OR51B5: variants seen among roughly 807,000 people sequenced by gnomAD.
The protein encoded by OR51B5 is olfactory receptor 51B5.
For synonymous variants in OR51B5, 186 were observed against 144.8 expected (o/e 1.28, Z -2.04); for missense variants, 456 against 374.6 (o/e 1.22, Z -1.79).
At chr11:5,439,296 T>C (rs891151164) in intron 1 of OR51B5, among the ~76,000 whole-genome samples, 4 of 152,148 alleles carry the variant, frequency 2.6e-5, no homozygotes, top group Non-Finnish European at 4.4e-5. Context: ...TGAAGCTATT[T>C]CTGTCTTCCA....
intron 1 of OR51B5, among the ~76,000 whole-genome samples, chr11:5,424,345 CAAACAAACAAA>C (rs960612144): frequency 5.4e-5 from 8 of 149,098 alleles, no homozygotes; most frequent in African/African-American, 1.5e-4. Flanking sequence ...GAAAACAAAA[CAAACAAACAAA>C]AAACAAACAA....
intron 1 of OR51B5, among the ~76,000 whole-genome samples, chr11:5,491,859 T>C (rs1851585607): frequency 6.6e-6 from 1 of 152,218 alleles, no homozygotes; most frequent in African/African-American, 2.4e-5. Flanking sequence ...TATAGATAGA[T>C]GTCACCAGCC....
chr11:5,490,784 T>TA (rs1851569737), intron 1 of OR51B5, among the ~76,000 whole-genome samples: 2 of 152,240 alleles, frequency 1.3e-5, no homozygotes, highest in Admixed American at 1.3e-4. Context: ...CCTTATCTAC[T>TA]AGCTGCAAGA....
intron 1 of OR51B5, among the ~76,000 whole-genome samples, chr11:5,384,523 C>T (rs1018778055): frequency 9.2e-5 from 14 of 152,310 alleles, no homozygotes; most frequent in African/African-American, 3.1e-4. Flanking sequence ...GGCCAGGAGG[C>T]AGGGCTGCCT....
chr11:5,390,178 G>T (rs1849773346), intron 1 of OR51B5: 33 of 1,613,982 alleles, frequency 2.0e-5, no homozygotes, highest in Non-Finnish European at 2.8e-5. Context: ...TCTGTGCTGT[G>T]CTAGTATTCT....
chr11:5,454,244 T>C, intron 1 of OR51B5: 1 of 1,614,234 alleles, frequency 6.2e-7, no homozygotes. Flanking sequence ...TTGCATTTTA[T>C]GTGCCAATGA....
chr11:5,492,273 T>C (rs1271681307), intron 1 of OR51B5, among the ~76,000 whole-genome samples: 1 of 151,806 alleles, frequency 6.6e-6, no homozygotes, highest in African/African-American at 2.4e-5. Context: ...TTCTTGTATA[T>C]GTAGAATTCA....
chr11:5,428,144 G>C (rs1472450), intron 1 of OR51B5, among the ~76,000 whole-genome samples: 1 of 150,344 alleles, frequency 6.7e-6, no homozygotes, highest in African/African-American at 2.5e-5. Context: ...TATCCCAAAA[G>C]ACATGCTCAA....
chr11:5,476,541 G>A (rs1305043595), intron 1 of OR51B5, among the ~76,000 whole-genome samples: 1 of 152,098 alleles, frequency 6.6e-6, no homozygotes, highest in Non-Finnish European at 1.5e-5. Context: ...TTTGTGACTT[G>A]GTATCTCTTA....
intron 1 of OR51B5, among the ~76,000 whole-genome samples, chr11:5,471,847 G>A (rs1482251248): frequency 6.6e-6 from 1 of 152,024 alleles, no homozygotes; most frequent in Non-Finnish European, 1.5e-5. Flanking sequence ...CTCTAGAATA[G>A]AAAGAGTAAT....
intron 1 of OR51B5, among the ~76,000 whole-genome samples, chr11:5,358,221 A>T (rs1383314983): frequency 2.0e-5 from 3 of 152,178 alleles, no homozygotes; most frequent in African/African-American, 7.2e-5. Flanking sequence ...TTTCAAAAAG[A>T]TCAACAAAAT....
At chr11:5,357,396 T>C (rs903483692) in intron 1 of OR51B5, among the ~76,000 whole-genome samples, 2 of 150,348 alleles carry the variant, frequency 1.3e-5, no homozygotes, top group African/African-American at 4.9e-5. Flanking sequence ...TACATAATGG[T>C]AAAGGGATCA....
chr11:5,340,523 C>A (rs914423314), downstream of OR51B5: 3 of 150,196 alleles, frequency 2.0e-5, no homozygotes, highest in Non-Finnish European at 4.4e-5. Context: ...TAAAAAAGTT[C>A]TTCTACTGCG....
intron 1 of OR51B5, among the ~76,000 whole-genome samples, chr11:5,350,096 C>T (rs1589946274): frequency 1.3e-5 from 2 of 152,132 alleles, no homozygotes; most frequent in Non-Finnish European, 2.9e-5. Context: ...AAAGGAGGTA[C>T]TTCTCTGAAA....
chr11:5,399,799 G>A (rs1352610032), intron 1 of OR51B5, among the ~76,000 whole-genome samples: 1 of 151,572 alleles, frequency 6.6e-6, no homozygotes, highest in African/African-American at 2.4e-5. Context: ...AAAAAAAAAG[G>A]AAGAAAACAA....
chr11:5,406,230 T>C (rs1850056706), intron 1 of OR51B5, among the ~76,000 whole-genome samples: 1 of 152,234 alleles, frequency 6.6e-6, no homozygotes. Context: ...TGAAGTTCTG[T>C]AAAGATAACT....
rs34459420 is a variant in OR51B5, at chr11:5,465,205, CAAAAAA to C, written n.84+40358_84+40363del. Among the ~76,000 whole-genome samples, 86 of 45,432 alleles carry C rather than the reference CAAAAAA, an allele frequency of 1.9e-3. 1 individual carries two copies. The highest frequency in any genetic ancestry group is 6.1e-3 in the African/African-American group (75 of 12,266). The allele number at this position is 45,432 out of a possible 152,430, so 29.8% of individuals were successfully genotyped here. A position where few individuals can be genotyped will look rare whatever the true frequency, so the allele number is the denominator to read the frequency against. On this transcript the variant is annotated intron_variant and non_coding_transcript_variant, in intron 1 of 4. Transcript: ENST00000415970. ...TGGGCGACAGAGCGAGACTCCGTCT[CAAAAAA>C]AAAAAAAAAAAAAAAAAAAGTGTTC...
chr11:5,348,062 G>A (rs1420021959), upstream of OR51B5, among the ~76,000 whole-genome samples: 1 of 151,984 alleles, frequency 6.6e-6, no homozygotes, highest in Non-Finnish European at 1.5e-5. Context: ...AAAAAAAACA[G>A]AGAGATCGAA....
chr11:5,413,484 C>T (rs962562270), intron 1 of OR51B5, among the ~76,000 whole-genome samples: 2 of 151,860 alleles, frequency 1.3e-5, no homozygotes, highest in African/African-American at 4.8e-5. Context: ...AATCAAACTA[C>T]GAGCTACAGG....
Sources: gnomAD v4.1 joint callset for allele counts (sites outside exome capture counted in the v4.1 genomes callset) on GRCh38, gnomAD v4.1.1 for gene constraint, MANE v1.5 for transcripts, NCBI Gene and HGNC (gene_info 2026-07-23, HGNC 2026-07-21) for gene names.